Variants in TDRD5 observed in about 807,000 individuals in gnomAD.
TDRD5 encodes tudor domain containing 5.
In TDRD5, 41 loss-of-function variants were observed where a neutral mutation model predicts 120.6. The ratio of observed to expected loss-of-function variants is 0.34; its 90% CI spans 0.26 to 0.44. The LOEUF is 0.44. Among genes scored for constraint, TDRD5 ranks in the 20% least tolerant of loss-of-function variants. The probability of loss-of-function intolerance (pLI) is 1.00; values close to 1 mark genes in which losing one functional copy is unlikely to be tolerated. For synonymous variants in TDRD5, 430 were observed against 433.7 expected (o/e 0.99, Z 0.11); for missense variants, 1,006 against 1,221.2 (o/e 0.82, Z 2.63).
intron 13 of TDRD5, 59 bp downstream of exon 13, chr1:179,652,256 T>C: frequency 6.7e-7 from 1 of 1,484,446 alleles, no homozygotes; most frequent in African/African-American, 1.5e-5. Flanking sequence ...CCTCATTTTT[T>C]TAGATGAAGA....
intron 6 of TDRD5, among the ~76,000 whole-genome samples, chr1:179,628,185 ACAGGATAT>A (rs1477372209): frequency 3.9e-5 from 6 of 152,170 alleles, no homozygotes; most frequent in African/African-American, 1.4e-4. Flanking sequence ...AATCATGTAA[ACAGGATAT>A]ATACACATAT....
At chr1:179,638,643 G>C (rs991220608) in intron 9 of TDRD5, among the ~76,000 whole-genome samples, 1 of 127,438 alleles carries the variant, frequency 7.8e-6, no homozygotes, top group East Asian at 2.3e-4. Context: ...AGAATAGTGT[G>C]TTGTCCCTGT....
intron 9 of TDRD5, among the ~76,000 whole-genome samples, chr1:179,637,354 G>C (rs1392129177): frequency 6.6e-6 from 1 of 152,102 alleles, no homozygotes; most frequent in Non-Finnish European, 1.5e-5. Context: ...GGGCCTAGTT[G>C]TATTATCTCC....
chr1:179,630,366 T>C (rs1398699370), intron 6 of TDRD5, among the ~76,000 whole-genome samples: 1 of 152,212 alleles, frequency 6.6e-6, no homozygotes, highest in Non-Finnish European at 1.5e-5. Flanking sequence ...TTTCTGTACA[T>C]GTCGGAAGTG....
At chr1:179,594,011 G>A in intron 3 of TDRD5, 144 bp downstream of exon 3, 1 of 1,081,282 alleles carries the variant, frequency 9.2e-7, no homozygotes, top group Non-Finnish European at 1.3e-6. Flanking sequence ...ATCTACTTAA[G>A]CCTTAGTTTT....
At chr1:179,655,253 A>G (rs1206289207) in intron 14 of TDRD5, among the ~76,000 whole-genome samples, 2 of 152,152 alleles carry the variant, frequency 1.3e-5, no homozygotes, top group African/African-American at 4.8e-5. Flanking sequence ...CCACCACCAC[A>G]CACAAACATA....
At chr1:179,643,697 G>A (rs1678180806) in intron 11 of TDRD5, among the ~76,000 whole-genome samples, 1 of 152,128 alleles carries the variant, frequency 6.6e-6, no homozygotes, top group African/African-American at 2.4e-5. Flanking sequence ...GAGACTTAAG[G>A]AAGTCTATGG....
chr1:179,627,994 TAAC>T (rs1449174171), intron 6 of TDRD5, among the ~76,000 whole-genome samples: 1 of 152,204 alleles, frequency 6.6e-6, no homozygotes, highest in South Asian at 2.1e-4. Context: ...TAATGGCTCT[TAAC>T]AACACCAAAA....
rs748050482 is a variant in TDRD5, at chr1:179,690,744, G to A, written c.2909G>A (p.Arg970His). The A allele has an allele frequency of 8.0e-5, 129 of 1,614,062 alleles. No homozygotes were observed. The highest frequency in any genetic ancestry group is 6.6e-4 in the Middle Eastern group (4 of 6,084). ...AAGAATGAAGATTTTTCTAGCAGCC[G>A]TGCTATTACATTGTACAAAGACAAG... ...ILKNEDFSSS[R>H]AITLYKDKRQ... is the part of the protein sequence containing the mutation. The change falls in exon 18 of 18, where the codon CGT (arginine) becomes CAT (histidine). Residue 970 changes from arginine (R) to histidine (H), a missense_variant. Transcript: ENST00000444136.
chr1:179,687,465 G>A (rs147522028), intron 17 of TDRD5, among the ~76,000 whole-genome samples: 6,247 of 152,130 alleles, frequency 0.041, 321 homozygotes, highest in African/African-American at 0.11. Context: ...ACTTCCAACT[G>A]TGTGATCAAT....
chr1:179,623,812 AT>A (rs1305810522), intron 6 of TDRD5, among the ~76,000 whole-genome samples: 14 of 149,110 alleles, frequency 9.4e-5, no homozygotes, highest in African/African-American at 3.2e-4. Context: ...TAAAAAAAAA[AT>A]TTTTTTTTAG....
intron 17 of TDRD5, among the ~76,000 whole-genome samples, chr1:179,678,355 A>C (rs576933590): frequency 1.3e-5 from 2 of 152,310 alleles, no homozygotes; most frequent in Admixed American, 6.5e-5. Flanking sequence ...GAAAGCAAGC[A>C]GACTCACAGT....
At chr1:179,669,467 A>G in intron 17 of TDRD5, 63 bp downstream of exon 17, 1 of 1,573,994 alleles carries the variant, frequency 6.4e-7, no homozygotes, top group Non-Finnish European at 8.7e-7. Flanking sequence ...CCATGTTGCT[A>G]AAACAAACCT....
intron 4 of TDRD5, among the ~76,000 whole-genome samples, chr1:179,598,270 A>G (rs1445969811): frequency 2.0e-5 from 3 of 152,256 alleles, no homozygotes; most frequent in Admixed American, 2.0e-4. Context: ...ACCATAAGTC[A>G]TAATGCAGCC....
Position 179,691,109 on chromosome 1 carries a change from G to A in TDRD5, c.*166G>A, listed in dbSNP as rs1009678452. The stretch of plus-strand genomic sequence containing the variant: ...TATTATGCTAACAGTCTACTTTGAT[G>A]TGTAAGTAAGTATTGATATTTACTG... On this transcript the variant is annotated 3_prime_UTR_variant, in exon 18 of 18. Coordinates refer to ENST00000444136, the MANE Select transcript of TDRD5 (RefSeq NM_001199085.3). 1.1e-4 allele frequency: 90 copies of A among 823,768 alleles called. No individual in the cohort carries two copies. In the African/African-American group the frequency reaches 1.3e-3, roughly 12 times the overall value. The allele number at this position is 823,768 out of a possible 1,614,324, so 51.0% of individuals were successfully genotyped here.
At chr1:179,643,055 A>G (rs1459846446) in intron 11 of TDRD5, among the ~76,000 whole-genome samples, 3 of 152,232 alleles carry the variant, frequency 2.0e-5, no homozygotes, top group African/African-American at 4.8e-5. Flanking sequence ...ATCATTATAT[A>G]TGATCTGCCC....
chr1:179,680,386 T>G (rs1462689563), intron 17 of TDRD5, among the ~76,000 whole-genome samples: 1 of 152,222 alleles, frequency 6.6e-6, no homozygotes, highest in Non-Finnish European at 1.5e-5. Context: ...GAGGGATAAT[T>G]GTTGAACTCT....
rs983123443 is a variant in TDRD5 at position 179,591,910 on chromosome 1, C to G, written c.-230C>G. 2 of 152,402 alleles carry G rather than the reference C, an allele frequency of 1.3e-5. No individual in the cohort carries two copies. Among genetic ancestry groups the G allele is most frequent in the Non-Finnish European group, 2.9e-5 (2 of 68,192 alleles). The allele number at this position is 152,402 out of a possible 1,614,324, so 9.4% of individuals were successfully genotyped here. A position where few individuals can be genotyped will look rare whatever the true frequency, so the allele number is the denominator to read the frequency against. On this transcript the variant is annotated 5_prime_UTR_variant, in exon 1 of 18. Coordinates refer to ENST00000444136, the MANE Select transcript of TDRD5 (RefSeq NM_001199085.3). ...CCCCTAATCTCTACTCGGCCCGCAC[C>G]AGCAGCGCTGGCGTCAGGGCGCGGT...
chr1:179,640,293 A>T, intron 10 of TDRD5, 86 bp from the exon 11 acceptor site: 1 of 1,455,554 alleles, frequency 6.9e-7, no homozygotes. Flanking sequence ...GTCTCTTATT[A>T]AGAAAGTGAT....
Sources: allele counts gnomAD v4.1 joint callset (sites outside exome capture counted in the v4.1 genomes callset), GRCh38; gene constraint gnomAD v4.1.1; transcripts MANE v1.5; gene names NCBI Gene and HGNC (gene_info 2026-07-23, HGNC 2026-07-21).